DNAH6: variants seen among roughly 807,000 people sequenced by gnomAD.
The protein encoded by DNAH6 is dynein axonemal heavy chain 6.
A neutral mutation model predicts 491.4 loss-of-function variants in DNAH6; 340 were observed. The ratio of observed to expected loss-of-function variants is 0.69; its 90% CI spans 0.63 to 0.76. The LOEUF (loss-of-function observed/expected upper bound fraction) is 0.76. Ranked by LOEUF, DNAH6 falls within the 30% of genes least tolerant of loss-of-function variation. DNAH6 has a pLI of 0.00. For missense variants in DNAH6, 4,443 were observed against 4,972.2 expected, an observed-to-expected ratio of 0.89 and a Z score of 3.20; for synonymous variants, 1,603 against 1,686.1, an observed-to-expected ratio of 0.95 and a Z score of 1.21.
intron 15 of DNAH6, among the ~76,000 whole-genome samples, chr2:84,588,411 C>CA (rs1683773205): frequency 6.6e-6 from 1 of 152,182 alleles, no homozygotes; most frequent in Non-Finnish European, 1.5e-5. Flanking sequence ...TTATATTTTT[C>CA]ATTTTCTCTC....
chr2:84,650,500 A>AT (rs200567664), intron 33 of DNAH6, among the ~76,000 whole-genome samples: 16,288 of 140,200 alleles, frequency 0.12, 1,865 homozygotes, highest in African/African-American at 0.31. Context: ...GGCTCTCTGT[A>AT]TTTTTTTTTT....
intron 71 of DNAH6, among the ~76,000 whole-genome samples, chr2:84,806,689 G>C (rs1358101778): frequency 1.3e-5 from 2 of 149,230 alleles, no homozygotes; most frequent in African/African-American, 4.9e-5. Context: ...ACTTTTCTTA[G>C]ATCGATAGGA....
chr2:84,471,711 G>T, the DNAH6 span, among the ~76,000 whole-genome samples: 5 of 152,140 alleles, frequency 3.3e-5, no homozygotes, highest in African/African-American at 1.2e-4. Flanking sequence ...CACGTGGTTC[G>T]TTCATCTCCT....
At chr2:84,706,811 A>G (rs1297468181) in intron 52 of DNAH6, 85 bp from the exon 53 acceptor site, 1 of 1,441,566 alleles carries the variant, frequency 6.9e-7, no homozygotes, top group Non-Finnish European at 9.1e-7. Context: ...GAACATATAT[A>G]AAATTTTTTT....
chr2:84,665,214 C>T (rs1407978229), intron 37 of DNAH6, among the ~76,000 whole-genome samples: 2 of 152,074 alleles, frequency 1.3e-5, no homozygotes, highest in African/African-American at 4.8e-5. Flanking sequence ...CAAACACATT[C>T]AAAAGCTAGC....
intron 71 of DNAH6, among the ~76,000 whole-genome samples, chr2:84,806,544 G>A (rs577437671): frequency 4.7e-5 from 7 of 149,898 alleles, no homozygotes; most frequent in South Asian, 4.3e-4. Context: ...GTGTGAACCC[G>A]GGAGGCGGAG....
chr2:84,538,221 A>G (rs1485005331), intron 4 of DNAH6, among the ~76,000 whole-genome samples: 2 of 152,116 alleles, frequency 1.3e-5, no homozygotes, highest in African/African-American at 4.8e-5. Flanking sequence ...TGTGTTAGGC[A>G]TTGTGCCAAG....
At chr2:84,767,064 G>A (rs72832554) in intron 64 of DNAH6, among the ~76,000 whole-genome samples, 4,423 of 152,056 alleles carry the variant, frequency 0.029, 95 homozygotes, top group Non-Finnish European at 0.043. Flanking sequence ...AGAGAACCCC[G>A]GACTACATGT....
At chr2:84,607,147 G>T in intron 21 of DNAH6, 52 bp downstream of exon 21, 1 of 1,478,828 alleles carries the variant, frequency 6.8e-7, no homozygotes, top group Non-Finnish European at 9.2e-7. Context: ...AGAGTCACAA[G>T]GACCTTAGAA....
intron 64 of DNAH6, chr2:84,777,999 T>G: frequency 1.0e-6 from 1 of 966,144 alleles, no homozygotes; most frequent in Non-Finnish European, 1.7e-6. Context: ...GCAGTTACAT[T>G]ATAGTCTTTG....
intron 18 of DNAH6, among the ~76,000 whole-genome samples, chr2:84,601,072 A>ATAATGTTATTATT (rs1685198853): frequency 3.3e-5 from 5 of 149,390 alleles, no homozygotes; most frequent in African/African-American, 1.2e-4. Flanking sequence ...TACTATAAGG[A>ATAATGTTATTATT]ATCCTTGTAG....
chr2:84,525,255 G>A (rs1659541946), intron 2 of DNAH6, among the ~76,000 whole-genome samples: 1 of 151,830 alleles, frequency 6.6e-6, no homozygotes, highest in African/African-American at 2.4e-5. Context: ...AAATGATGGG[G>A]GTTTGTAATG....
rs1292956295 is a variant in DNAH6, at chr2:84,686,471, G to T, written c.7064-13G>T. 2 of 1,463,454 alleles carry T rather than the reference G, an allele frequency of 1.4e-6. No individual in the cohort carries two copies. Among genetic ancestry groups the T allele is most frequent in the Non-Finnish European group, 1.9e-6 (2 of 1,071,818 alleles). The allele number at this position is 1,463,454 out of a possible 1,614,324, so 90.7% of individuals were successfully genotyped here. On this transcript the variant is annotated splice_polypyrimidine_tract_variant and intron_variant, in intron 43 of 76. Transcript: ENST00000389394. ...ATCATTATATTTAAAACTTGGTTTT[G>T]TTCTTTAAATAGACAAACATTTTGG... is the stretch of plus-strand genomic sequence containing the variant.
At chr2:84,504,628 C>T in the DNAH6 span, among the ~76,000 whole-genome samples, 1 of 152,162 alleles carries the variant, frequency 6.6e-6, no homozygotes, top group Non-Finnish European at 1.5e-5. Context: ...GCACCCCAAG[C>T]CCAGTAACAC....
intron 62 of DNAH6, among the ~76,000 whole-genome samples, chr2:84,744,662 C>T (rs1378198663): frequency 6.6e-6 from 1 of 152,020 alleles, no homozygotes; most frequent in Non-Finnish European, 1.5e-5. Context: ...TTCTGGCTCA[C>T]CTGGGTTCAT....
At chr2:84,522,865 C>T (rs2104420389) in intron 2 of DNAH6, among the ~76,000 whole-genome samples, 1 of 152,174 alleles carries the variant, frequency 6.6e-6, no homozygotes, top group South Asian at 2.1e-4. Flanking sequence ...ATTCGATTTG[C>T]AAGCATTTTG....
At chr2:84,776,019 G>A (rs1358380859) in intron 64 of DNAH6, among the ~76,000 whole-genome samples, 1 of 152,004 alleles carries the variant, frequency 6.6e-6, no homozygotes, top group Non-Finnish European at 1.5e-5. Context: ...GTTTTAGTTG[G>A]TATGACACTT....
In DNAH6 at chr2:84,552,950, T is replaced by G; in HGVS notation, c.1518T>G (p.Asp506Glu). The G allele has an allele frequency of 6.2e-7, 1 of 1,612,024 alleles. No individual in the cohort carries two copies. The change falls in exon 10 of 77, where the codon GAT (aspartate) becomes GAG (glutamate). Residue 506 changes from aspartate (D) to glutamate (E), a missense_variant. Physicochemically the swap from Asp to Glu is conservative, Grantham distance 45. This residue lies in a region of DNAH6 where 2,977 missense variants were observed against 3,296.6 expected (regional missense o/e 0.90). Coordinates refer to ENST00000389394, the MANE Select transcript of DNAH6 (RefSeq NM_001370.2). The part of the protein sequence containing the change: ...GTLMVEKQEE[D>E]ESLIPMFLTE... ...TTATGGTGGAAAAGCAAGAAGAAGA[T>G]GAATCTCTCATCCCCATGTTTCTCA...
chr2:84,772,020 AT>A (rs1285633817), intron 64 of DNAH6, among the ~76,000 whole-genome samples: 1 of 152,094 alleles, frequency 6.6e-6, no homozygotes, highest in Non-Finnish European at 1.5e-5. Flanking sequence ...TTATAAATAT[AT>A]GTTGGTCATG....
Sources: gnomAD v4.1 joint callset for allele counts (sites outside exome capture counted in the v4.1 genomes callset) on GRCh38, gnomAD v4.1.1 for gene constraint, gnomAD v4.1.1 regional missense constraint, MANE v1.5 for transcripts, NCBI Gene and HGNC (gene_info 2026-07-23, HGNC 2026-07-21) for gene names.